ADK: variants seen among roughly 807,000 people sequenced by gnomAD.
ADK encodes N6,N6-dimethyladenosine kinase.
ADK carries 24 observed loss-of-function variants against 44.7 expected under a neutral mutation model. That is an observed-to-expected ratio of 0.54 (90% CI 0.39 to 0.76). The LOEUF is 0.76. ADK is among the 30% of genes least tolerant of loss of function. ADK has a pLI of 0.00. For missense variants in ADK, 321 were observed against 425.1 expected (o/e 0.76, Z 2.15); for synonymous variants, 128 against 142.6 (o/e 0.90, Z 0.73).
intron 8 of ADK, among the ~76,000 whole-genome samples, chr10:74,598,291 G>T (rs1017893023): frequency 2.0e-5 from 3 of 151,130 alleles, no homozygotes; most frequent in Non-Finnish European, 4.4e-5. Context: ...ATTATGTTTT[G>T]TACTTGGAAA....
At chr10:74,321,191 A>G (rs1256049616) in intron 4 of ADK, among the ~76,000 whole-genome samples, 5 of 152,196 alleles carry the variant, frequency 3.3e-5, no homozygotes, top group Non-Finnish European at 5.9e-5. Flanking sequence ...TTTAAATACC[A>G]TCTTATCCTT....
intron 9 of ADK, among the ~76,000 whole-genome samples, chr10:74,636,447 C>T (rs1485414655): frequency 6.6e-6 from 1 of 151,934 alleles, no homozygotes; most frequent in East Asian, 1.9e-4. Context: ...GAGGGAGAGA[C>T]TATTATCAAA....
chr10:74,555,602 C>A (rs190817324), intron 7 of ADK, among the ~76,000 whole-genome samples: 116 of 149,354 alleles, frequency 7.8e-4, no homozygotes, highest in African/African-American at 2.8e-3. Context: ...CAGAGCAAGA[C>A]CTTGTCTCGA....
intron 7 of ADK, among the ~76,000 whole-genome samples, chr10:74,576,179 A>G (rs565600350): frequency 6.6e-6 from 1 of 152,318 alleles, no homozygotes; most frequent in South Asian, 2.1e-4. Context: ...GCAACAGAAA[A>G]GTGAGAGAAT....
intron 4 of ADK, 68 bp downstream of exon 4, chr10:74,314,813 TTGTTTCC>T: frequency 8.4e-7 from 1 of 1,187,982 alleles, no homozygotes; most frequent in Non-Finnish European, 1.2e-6. Context: ...TTTTGCATAA[TTGTTTCC>T]TTTTATATTG....
At chr10:74,314,417 T>C (rs142725894) in intron 3 of ADK, among the ~76,000 whole-genome samples, 5 of 152,228 alleles carry the variant, frequency 3.3e-5, no homozygotes, top group East Asian at 1.9e-4. Flanking sequence ...TTCTGTTTAG[T>C]TTAATGGCCA....
intron 7 of ADK, among the ~76,000 whole-genome samples, chr10:74,530,131 A>T (rs1849223698): frequency 6.6e-6 from 1 of 152,140 alleles, no homozygotes; most frequent in South Asian, 2.1e-4. Flanking sequence ...ATTATATCGT[A>T]TTTGATTATA....
intron 4 of ADK, among the ~76,000 whole-genome samples, chr10:74,345,286 G>T (rs1164407883): frequency 6.7e-6 from 1 of 149,458 alleles, no homozygotes; most frequent in Non-Finnish European, 1.5e-5. Context: ...TTTCTTGTGG[G>T]TGTTGTTTGC....
intron 7 of ADK, among the ~76,000 whole-genome samples, chr10:74,549,431 ATTAAT>A (rs1430593979): frequency 6.6e-6 from 1 of 152,098 alleles, no homozygotes; most frequent in Non-Finnish European, 1.5e-5. Flanking sequence ...TTGTAAATTA[ATTAAT>A]TTATTTATTT....
chr10:74,283,347 T>A (rs1057352531), intron 3 of ADK, among the ~76,000 whole-genome samples: 7 of 151,800 alleles, frequency 4.6e-5, no homozygotes, highest in African/African-American at 1.7e-4. Context: ...TTCTTCCTAG[T>A]TTGACTTTAC....
At chr10:74,694,621 A>G (rs550464227) in intron 10 of ADK, among the ~76,000 whole-genome samples, 76 of 151,924 alleles carry the variant, frequency 5.0e-4, no homozygotes, top group African/African-American at 1.8e-3. Context: ...AGCTAGGACT[A>G]AAGGTTTACA....
chr10:74,471,067 T>C (rs1044113881), intron 6 of ADK, among the ~76,000 whole-genome samples: 1 of 125,984 alleles, frequency 7.9e-6, no homozygotes. Flanking sequence ...ATCAGTACTA[T>C]ACTTTTTCTT....
At chr10:74,340,245 G>C (rs1021330078) in intron 4 of ADK, among the ~76,000 whole-genome samples, 3 of 152,114 alleles carry the variant, frequency 2.0e-5, no homozygotes, top group Admixed American at 1.3e-4. Context: ...AGGAAAAGGT[G>C]TGAAATTCCA....
intron 7 of ADK, among the ~76,000 whole-genome samples, chr10:74,574,574 T>C (rs1177987032): frequency 2.0e-5 from 3 of 152,226 alleles, no homozygotes; most frequent in African/African-American, 4.8e-5. Context: ...ACTGCATACA[T>C]CGTTGAAAAT....
At chr10:74,337,573 TA>T (rs1249907777) in intron 4 of ADK, among the ~76,000 whole-genome samples, 7 of 152,192 alleles carry the variant, frequency 4.6e-5, no homozygotes, top group African/African-American at 1.7e-4. Context: ...TCAAAGTGAA[TA>T]GCTTTAATCA....
chr10:74,589,213 C>A (rs1851632802), intron 7 of ADK, 69 bp from the exon 8 acceptor site: 2 of 1,461,426 alleles, frequency 1.4e-6, no homozygotes, highest in Non-Finnish European at 1.9e-6. Context: ...GAATGAGTTT[C>A]AAAAAATGGA....
At chr10:74,214,165 G>A (rs1843932005) in intron 2 of ADK, among the ~76,000 whole-genome samples, 2 of 151,988 alleles carry the variant, frequency 1.3e-5, no homozygotes, top group South Asian at 4.1e-4. Flanking sequence ...TTCTAACCCT[G>A]TGATTTACTC....
chr10:74,657,194 T>C (rs1854520864), intron 9 of ADK, among the ~76,000 whole-genome samples: 1 of 152,204 alleles, frequency 6.6e-6, no homozygotes, highest in African/African-American at 2.4e-5. Flanking sequence ...GTGGTCAGCC[T>C]TCTATCTTTA....
At chr10:74,248,907 G>T (rs1845535987) in intron 3 of ADK, among the ~76,000 whole-genome samples, 1 of 152,150 alleles carries the variant, frequency 6.6e-6, no homozygotes, top group Non-Finnish European at 1.5e-5. Context: ...ATTTGGCAGA[G>T]AAAAGGATGA....
Sources: gnomAD v4.1 joint callset for allele counts (sites outside exome capture counted in the v4.1 genomes callset) on GRCh38, gnomAD v4.1.1 for gene constraint, MANE v1.5 for transcripts, NCBI Gene and HGNC (gene_info 2026-07-23, HGNC 2026-07-21) for gene names.